The following CLVS1 variants were observed in gnomAD, a reference collection of about 807,000 sequenced individuals.
CLVS1 encodes the protein clavesin 1.
In CLVS1, 10 loss-of-function variants were observed where a neutral mutation model predicts 33.1. That is an observed-to-expected ratio of 0.30 (90% CI 0.19 to 0.51). The LOEUF (loss-of-function observed/expected upper bound fraction) is 0.51, where lower values mean the gene tolerates loss of function less well. Among genes scored for constraint, CLVS1 ranks in the 20% least tolerant of loss-of-function variants. CLVS1 has a pLI of 0.97. For missense variants in CLVS1, 343 were observed against 433.4 expected (o/e 0.79, Z 1.85); for synonymous variants, 163 against 166.1 (o/e 0.98, Z 0.14).
intron 2 of CLVS1, among the ~76,000 whole-genome samples, chr8:61,232,043 T>TGTTTGTTTGTTTGTTTG (rs1563455158): frequency 7.2e-5 from 10 of 139,852 alleles, no homozygotes; most frequent in African/African-American, 2.6e-4. Context: ...TTTTTTTTTT[T>TGTTTGTTTGTTTGTTTG]TTTTTTTGTG....
intron 2 of CLVS1, among the ~76,000 whole-genome samples, chr8:61,254,247 C>T (rs1585725079): frequency 1.3e-5 from 2 of 152,198 alleles, no homozygotes; most frequent in African/African-American, 4.8e-5. Flanking sequence ...TATTGGTGAA[C>T]AGCAAATGTT....
intron 2 of CLVS1, among the ~76,000 whole-genome samples, chr8:61,247,717 G>A (rs1271284103): frequency 1.3e-5 from 2 of 152,146 alleles, no homozygotes; most frequent in Non-Finnish European, 2.9e-5. Flanking sequence ...TGCATAGTTT[G>A]CAAAAATTTT....
the CLVS1 span, among the ~76,000 whole-genome samples, chr8:60,969,374 G>C: frequency 6.6e-6 from 1 of 152,202 alleles, no homozygotes; most frequent in Non-Finnish European, 1.5e-5. Context: ...CTCTTTAAGT[G>C]TAGGGGTGCA....
intron 3 of CLVS1, among the ~76,000 whole-genome samples, chr8:61,432,019 T>C (rs1432930324): frequency 6.6e-6 from 1 of 152,260 alleles, no homozygotes; most frequent in Non-Finnish European, 1.5e-5. Context: ...GTTTCCTCTG[T>C]GCTTCCAGCT....
chr8:61,431,473 C>T (rs1325393423), intron 3 of CLVS1, among the ~76,000 whole-genome samples: 1 of 152,190 alleles, frequency 6.6e-6, no homozygotes, highest in Non-Finnish European at 1.5e-5. Context: ...AGTTTAGTCT[C>T]TTCTTTCTTC....
intron 3 of CLVS1, among the ~76,000 whole-genome samples, chr8:61,402,472 A>C (rs747759711): frequency 3.3e-5 from 5 of 152,204 alleles, no homozygotes; most frequent in Non-Finnish European, 7.3e-5. Context: ...CCAGGTTCAC[A>C]TACAAAACAA....
intron 2 of CLVS1, among the ~76,000 whole-genome samples, chr8:61,157,569 T>TA (rs1806675265): frequency 6.6e-6 from 1 of 151,944 alleles, no homozygotes; most frequent in South Asian, 2.1e-4. Context: ...CTATCACAAT[T>TA]AAAAATCTCT....
At chr8:61,419,311 C>A (rs939163316) in intron 3 of CLVS1, among the ~76,000 whole-genome samples, 3 of 150,250 alleles carry the variant, frequency 2.0e-5, no homozygotes, top group African/African-American at 7.4e-5. Context: ...GCAGGAGAAT[C>A]GCTTGAACCC....
chr8:61,328,492 A>C lies in CLVS1; in HGVS notation c.455+28210A>C, dbSNP rs548036031. Reference sequence around the variant, plus strand: ...AGGCTGCCCTAGCCCCTTAGCATATATTACCAGCTGTCCCCTTTCACCTTG... The same window carrying C: ...AGGCTGCCCTAGCCCCTTAGCATATCTTACCAGCTGTCCCCTTTCACCTTG... On this transcript the variant is annotated intron_variant, in intron 2 of 5. Coordinates refer to ENST00000325897, the MANE Select transcript of CLVS1 (RefSeq NM_173519.3). 9.2e-5 allele frequency among the ~76,000 whole-genome samples: 14 copies of C among 151,894 alleles called. No individual in the cohort carries two copies. The South Asian group carries it at 2.9e-3, about 32-fold the overall frequency.
chr8:61,314,210 G>A (rs961220026), intron 2 of CLVS1, among the ~76,000 whole-genome samples: 4 of 152,110 alleles, frequency 2.6e-5, no homozygotes, highest in African/African-American at 4.8e-5. Context: ...TGACAGGGTC[G>A]TGTAGATTCT....
chr8:61,391,884 A>G (rs1323085963), intron 3 of CLVS1, among the ~76,000 whole-genome samples: 1 of 152,238 alleles, frequency 6.6e-6, no homozygotes, highest in African/African-American at 2.4e-5. Flanking sequence ...AGAAGCTATA[A>G]AAGAAATGAC....
intron 2 of CLVS1, among the ~76,000 whole-genome samples, chr8:61,322,634 A>G (rs1811237309): frequency 6.6e-6 from 1 of 152,128 alleles, no homozygotes; most frequent in South Asian, 2.1e-4. Flanking sequence ...TTTGTTGTTA[A>G]CTGAAATGGA....
chr8:61,028,801 A>C, the CLVS1 span, among the ~76,000 whole-genome samples: 4 of 152,214 alleles, frequency 2.6e-5, no homozygotes, highest in African/African-American at 9.6e-5. Context: ...TCTCCAGCTG[A>C]GGTTCTGCTT....
At chr8:61,162,071 C>T (rs1387181700) in intron 2 of CLVS1, among the ~76,000 whole-genome samples, 4 of 152,150 alleles carry the variant, frequency 2.6e-5, no homozygotes, top group African/African-American at 9.7e-5. Flanking sequence ...AAAGATCACT[C>T]TCTTACCTTC....
At position 61,202,990 on chromosome 8, in the gene CLVS1, C is replaced by G. The variant is rs1807768556; in HGVS notation, c.-152+71130C>G. The G allele has an allele frequency of 2.8e-6, 4 of 1,435,194 alleles. No homozygotes were observed. The Admixed American group carries it at 5.0e-5, about 18-fold the overall frequency. The allele number at this position is 1,435,194 out of a possible 1,614,324, so 88.9% of individuals were successfully genotyped here. A position where few individuals can be genotyped will look rare whatever the true frequency, so the allele number is the denominator to read the frequency against. On this transcript the variant is annotated intron_variant, in intron 2 of 2. Coordinates refer to the CLVS1 transcript ENST00000522621. ...AAATCAGAATGGAAAAGACTCAAAACCATCAACACCAAGATCAAAAGGACA... is the reference window on the plus strand; with the variant it reads ...AAATCAGAATGGAAAAGACTCAAAAGCATCAACACCAAGATCAAAAGGACA...
upstream of CLVS1, among the ~76,000 whole-genome samples, chr8:61,052,957 G>C (rs1336775765): frequency 6.6e-6 from 1 of 152,202 alleles, no homozygotes; most frequent in Non-Finnish European, 1.5e-5. Context: ...GATGGTGGAG[G>C]TGGTAAGAAA....
At chr8:61,351,661 C>T (rs1006305344) in intron 2 of CLVS1, among the ~76,000 whole-genome samples, 1 of 151,782 alleles carries the variant, frequency 6.6e-6, no homozygotes, top group Non-Finnish European at 1.5e-5. Flanking sequence ...AAACAAAAGA[C>T]AAAGGAAATA....
chr8:61,270,705 C>T (rs1809419038), intron 2 of CLVS1, among the ~76,000 whole-genome samples: 1 of 152,128 alleles, frequency 6.6e-6, no homozygotes, highest in Non-Finnish European at 1.5e-5. Flanking sequence ...TGTTATTGGT[C>T]TATTCAGAGA....
At chr8:61,223,587 C>T (rs1331038844) in intron 2 of CLVS1, among the ~76,000 whole-genome samples, 1 of 152,134 alleles carries the variant, frequency 6.6e-6, no homozygotes, top group Non-Finnish European at 1.5e-5. Context: ...GTGACCTGGC[C>T]TTTTTCTCTG....
Sources: allele counts gnomAD v4.1 joint callset (sites outside exome capture counted in the v4.1 genomes callset), GRCh38; gene constraint gnomAD v4.1.1; transcripts MANE v1.5; gene names NCBI Gene and HGNC (gene_info 2026-07-23, HGNC 2026-07-21).